Variants in TNR observed in about 807,000 individuals in gnomAD.
TNR encodes tenascin-R.
TNR carries 45 observed loss-of-function variants against 150.4 expected under a neutral mutation model. The ratio of observed to expected loss-of-function variants is 0.30; its 90% CI spans 0.24 to 0.38. The LOEUF is 0.38. Ranked by LOEUF, TNR falls within the 10% of genes least tolerant of loss-of-function variation. The pLI, the probability that TNR is intolerant of heterozygous loss-of-function variation, is 1.00. For synonymous variants in TNR, 687 were observed against 678.4 expected, an observed-to-expected ratio of 1.01 and a Z score of -0.20; for missense variants, 1,544 against 1,759.1, an observed-to-expected ratio of 0.88 and a Z score of 2.19.
intron 1 of TNR, among the ~76,000 whole-genome samples, chr1:175,679,489 T>A (rs1571744525): frequency 6.6e-6 from 1 of 152,226 alleles, no homozygotes; most frequent in South Asian, 2.1e-4. Flanking sequence ...ACAGTTCAAT[T>A]GGATACGCAA....
At chr1:175,722,462 C>A (rs888710086) in intron 1 of TNR, among the ~76,000 whole-genome samples, 2 of 152,064 alleles carry the variant, frequency 1.3e-5, no homozygotes, top group Non-Finnish European at 2.9e-5. Flanking sequence ...CTCTATTTTT[C>A]CTGTCTTTTT....
At chr1:175,381,479 C>T (rs1380835730) in intron 8 of TNR, among the ~76,000 whole-genome samples, 1 of 152,158 alleles carries the variant, frequency 6.6e-6, no homozygotes, top group Non-Finnish European at 1.5e-5. Flanking sequence ...CAGATACCTC[C>T]AATGTCAATG....
At chr1:175,572,274 T>C (rs1217024501) in intron 1 of TNR, among the ~76,000 whole-genome samples, 2 of 152,188 alleles carry the variant, frequency 1.3e-5, no homozygotes, top group African/African-American at 4.8e-5. Flanking sequence ...AACAATTTCT[T>C]GAATGTCCTG....
intron 1 of TNR, among the ~76,000 whole-genome samples, chr1:175,640,784 T>G (rs1158597857): frequency 6.6e-6 from 1 of 150,466 alleles, no homozygotes; most frequent in East Asian, 1.9e-4. Flanking sequence ...TATGTGTGTG[T>G]GTGTGGGTAT....
At chr1:175,699,320 G>A (rs1666618394) in intron 1 of TNR, among the ~76,000 whole-genome samples, 1 of 152,218 alleles carries the variant, frequency 6.6e-6, no homozygotes, top group East Asian at 1.9e-4. Context: ...GAATGGACAG[G>A]AAAGATAGTG....
intron 1 of TNR, among the ~76,000 whole-genome samples, chr1:175,540,372 G>A (rs1369794324): frequency 6.6e-6 from 1 of 152,190 alleles, no homozygotes; most frequent in Non-Finnish European, 1.5e-5. Flanking sequence ...AGACTCCCAG[G>A]AGGGCCAGAT....
At chr1:175,485,309 G>C (rs1044288601) in intron 2 of TNR, among the ~76,000 whole-genome samples, 1 of 152,186 alleles carries the variant, frequency 6.6e-6, no homozygotes, top group Non-Finnish European at 1.5e-5. Flanking sequence ...CCCCCAAACT[G>C]TAAACAGCTT....
At chr1:175,623,088 T>A (rs1254268709) in intron 1 of TNR, among the ~76,000 whole-genome samples, 3 of 152,186 alleles carry the variant, frequency 2.0e-5, no homozygotes, top group Admixed American at 1.3e-4. Flanking sequence ...GAAGACAAAT[T>A]CAACCTATAA....
intron 2 of TNR, among the ~76,000 whole-genome samples, chr1:175,479,560 C>G (rs758863157): frequency 7.9e-5 from 12 of 152,132 alleles, no homozygotes; most frequent in Non-Finnish European, 1.8e-4. Context: ...TCCATGAGCC[C>G]CATCAGCAAT....
intron 2 of TNR, among the ~76,000 whole-genome samples, chr1:175,413,321 C>T (rs1654296835): frequency 6.6e-6 from 1 of 152,262 alleles, no homozygotes; most frequent in South Asian, 2.1e-4. Flanking sequence ...CCACCGCGCT[C>T]AGCCTCTTTG....
rs2101973600 is a variant in TNR, at chr1:175,318,979, T to TA, written c.*4377dup. ...AATTTTGAATCTTTCAGAGGTTTCT[T>TA]AATAAAAATTTAAGAGTGGACAGTG... On this transcript the variant is annotated 3_prime_UTR_variant, in exon 23 of 23. Coordinates refer to ENST00000367674, the MANE Select transcript of TNR (RefSeq NM_003285.3). 6.6e-6 allele frequency: 1 copy of TA among 152,334 alleles called. No homozygotes were observed. The highest frequency in any genetic ancestry group is 2.1e-4 in the South Asian group (1 of 4,824). The allele number at this position is 152,334 out of a possible 1,614,324, so 9.4% of individuals were successfully genotyped here.
intron 1 of TNR, among the ~76,000 whole-genome samples, chr1:175,670,676 A>G (rs924108947): frequency 1.3e-5 from 2 of 152,146 alleles, no homozygotes; most frequent in Non-Finnish European, 2.9e-5. Flanking sequence ...AAGGGATGAC[A>G]ATTGGGATGA....
intron 1 of TNR, among the ~76,000 whole-genome samples, chr1:175,649,668 G>A (rs1664897015): frequency 6.6e-6 from 1 of 152,064 alleles, no homozygotes; most frequent in South Asian, 2.1e-4. Flanking sequence ...CCGGTTCCAT[G>A]GGAGACCACT....
chr1:175,473,979 G>A (rs2102120611), intron 2 of TNR, among the ~76,000 whole-genome samples: 2 of 152,266 alleles, frequency 1.3e-5, no homozygotes, highest in Admixed American at 1.3e-4. Context: ...TTCTGTGGAA[G>A]CAAGGCAGAG....
At chr1:175,727,376 A>T (rs548793210) in intron 1 of TNR, among the ~76,000 whole-genome samples, 3 of 152,214 alleles carry the variant, frequency 2.0e-5, no homozygotes, top group Non-Finnish European at 2.9e-5. Flanking sequence ...GGTGAGATTA[A>T]GTTCACTGGA....
chr1:175,425,023 G>C (rs1003870705), intron 2 of TNR, among the ~76,000 whole-genome samples: 9 of 152,104 alleles, frequency 5.9e-5, no homozygotes, highest in Non-Finnish European at 1.2e-4. Flanking sequence ...AGAGATTCTT[G>C]GAGTAATTCT....
rs1325142976 is a variant in TNR at position 175,709,300 on chromosome 1, CACACACAT to C, written c.-165+33918_-165+33925del. ...GGGCTTCCTCCCTTGCTTTCACACA[CACACACAT>C]ACACACACACACACACACACACACA... On this transcript the variant is annotated intron_variant, in intron 1 of 22. Coordinates refer to ENST00000367674, the MANE Select transcript of TNR (RefSeq NM_003285.3). Among the ~76,000 whole-genome samples, 697 of 139,370 alleles carry C rather than the reference CACACACAT, an allele frequency of 5.0e-3. 11 individuals are homozygous for C. The highest frequency in any genetic ancestry group is 0.019 in the African/African-American group (604 of 32,438). 91.4% of individuals were successfully genotyped at this position (139,370 alleles called of 152,430 possible). A position where few individuals can be genotyped will look rare whatever the true frequency, so the allele number is the denominator to read the frequency against.
intron 1 of TNR, among the ~76,000 whole-genome samples, chr1:175,741,093 C>A (rs1019443146): frequency 6.6e-6 from 1 of 152,202 alleles, no homozygotes; most frequent in Non-Finnish European, 1.5e-5. Context: ...TCATTCTTCA[C>A]CAGAGAGAGG....
intron 20 of TNR, among the ~76,000 whole-genome samples, chr1:175,331,027 TTCTTTCTTTCTTTC>T (rs1649746473): frequency 1.5e-5 from 1 of 68,172 alleles, no homozygotes; most frequent in African/African-American, 4.9e-5. Context: ...CTTTCTTTCT[TTCTTTCTTTCTTTC>T]TTTCTTTCTT....
Sources: allele counts gnomAD v4.1 joint callset (sites outside exome capture counted in the v4.1 genomes callset), GRCh38; gene constraint gnomAD v4.1.1; transcripts MANE v1.5; gene names NCBI Gene and HGNC (gene_info 2026-07-23, HGNC 2026-07-21).